Variants in TENM2 observed in about 807,000 individuals in gnomAD.
TENM2 encodes the protein teneurin-2.
A neutral mutation model predicts 245.2 loss-of-function variants in TENM2; 52 were observed. That is an observed-to-expected ratio of 0.21 (90% CI 0.17 to 0.27). TENM2 has a LOEUF of 0.27. Among genes scored for constraint, TENM2 ranks in the 10% least tolerant of loss-of-function variants. The pLI, the probability that TENM2 is intolerant of heterozygous loss-of-function variation, is 1.00. For synonymous variants in TENM2, 1,363 were observed against 1,438.9 expected, an observed-to-expected ratio of 0.95 and a Z score of 1.19; for missense variants, 3,046 against 3,666.8, an observed-to-expected ratio of 0.83 and a Z score of 4.37.
Position 167,886,536 on chromosome 5 carries a change from G to A in TENM2, c.712+10341G>A, listed in dbSNP as rs561631464. Reference sequence around the variant, plus strand: ...ATGCAAGAAGTTACTAAATAAAATGGAAAATGCAAGAAATAGCAGCAAAGC... The same window carrying A: ...ATGCAAGAAGTTACTAAATAAAATGAAAAATGCAAGAAATAGCAGCAAAGC... On this transcript the variant is annotated intron_variant, in intron 3 of 28. Transcript: ENST00000518659. 1.3e-5 allele frequency among the ~76,000 whole-genome samples: 2 copies of A among 152,238 alleles called. 1 individual carries two copies. Among genetic ancestry groups the A allele is most frequent in the South Asian group, 4.1e-4 (2 of 4,822 alleles).
Position 167,976,920 on chromosome 5 carries a change from A to G in TENM2, c.948-16024A>G, listed in dbSNP as rs1782482352. Among the ~76,000 whole-genome samples, 6 of 152,358 alleles carry G rather than the reference A, an allele frequency of 3.9e-5. No individual in the cohort carries two copies. In the South Asian group the frequency reaches 1.2e-3, roughly 32 times the overall value. Reference sequence around the variant, plus strand: ...AATAGTGAAGATATGGAATCAACTAAATGCCCATCAATGGTAGACTAGATA... The same window carrying G: ...AATAGTGAAGATATGGAATCAACTAGATGCCCATCAATGGTAGACTAGATA... On this transcript the variant is annotated intron_variant, in intron 4 of 28. Coordinates refer to ENST00000518659, the Ensembl canonical transcript of TENM2.
chr5:167,800,090 T>A (rs901388701), intron 2 of TENM2, among the ~76,000 whole-genome samples: 1 of 152,222 alleles, frequency 6.6e-6, no homozygotes, highest in Non-Finnish European at 1.5e-5. Flanking sequence ...CTTGAAAATA[T>A]GAGGATAACA....
chr5:167,285,766 C>CCG (rs1372478103), intron 1 of TENM2, among the ~76,000 whole-genome samples: 1 of 152,220 alleles, frequency 6.6e-6, no homozygotes, highest in Non-Finnish European at 1.5e-5. Context: ...CCCAGCCTCG[C>CCG]TGTGTGTGCA....
intron 2 of TENM2, among the ~76,000 whole-genome samples, chr5:167,724,773 A>G (rs1186351837): frequency 6.6e-6 from 1 of 152,174 alleles, no homozygotes; most frequent in Non-Finnish European, 1.5e-5. Flanking sequence ...GTAAAAGTAA[A>G]GTTCAAAGAC....
chr5:167,129,356 T>G, the TENM2 span, among the ~76,000 whole-genome samples: 2,195 of 152,256 alleles, frequency 0.014, 47 homozygotes, highest in African/African-American at 0.05. Context: ...CCAGCTACTG[T>G]GGAGGCCATA....
At chr5:168,034,607 A>T (rs1032739487) in intron 5 of TENM2, among the ~76,000 whole-genome samples, 4 of 151,504 alleles carry the variant, frequency 2.6e-5, no homozygotes, top group African/African-American at 9.7e-5. Context: ...AAATAATAAA[A>T]AATAATAACT....
intron 5 of TENM2, among the ~76,000 whole-genome samples, chr5:168,016,778 A>C (rs2152091636): frequency 6.6e-6 from 1 of 152,324 alleles, no homozygotes; most frequent in South Asian, 2.1e-4. Context: ...TACTGACTGC[A>C]TGACTCTGAG....
At chr5:167,852,533 C>T (rs1025268320) in intron 2 of TENM2, among the ~76,000 whole-genome samples, 1 of 152,168 alleles carries the variant, frequency 6.6e-6, no homozygotes, top group African/African-American at 2.4e-5. Context: ...AAAGAAGAAA[C>T]GGCCATCAGA....
At chr5:167,375,360 G>A in exon 2 of TENM2, 1 of 1,551,692 alleles carries the variant, frequency 6.4e-7, no homozygotes, top group Non-Finnish European at 8.7e-7. Context: ...CACGCCATCA[G>A]ACTGTGGGGC....
chr5:167,834,148 G>C (rs115514502), intron 2 of TENM2, among the ~76,000 whole-genome samples: 1 of 152,284 alleles, frequency 6.6e-6, no homozygotes, highest in African/African-American at 2.4e-5. Flanking sequence ...TTTGAAAAAC[G>C]AGAAATAGGG....
chr5:167,043,676 G>C, the TENM2 span, among the ~76,000 whole-genome samples: 95 of 152,260 alleles, frequency 6.2e-4, no homozygotes, highest in East Asian at 2.7e-3. Context: ...GACAGTGAAG[G>C]GTTTATGCAG....
intron 2 of TENM2, among the ~76,000 whole-genome samples, chr5:167,547,222 A>G (rs991691189): frequency 1.3e-5 from 2 of 152,086 alleles, no homozygotes; most frequent in African/African-American, 2.4e-5. Context: ...AGTAGCTCGG[A>G]TTACAGGCAC....
chr5:167,557,103 G>A (rs978132545), intron 2 of TENM2, among the ~76,000 whole-genome samples: 12 of 152,158 alleles, frequency 7.9e-5, no homozygotes, highest in South Asian at 2.1e-4. Flanking sequence ...TGAGAAAAGC[G>A]TGTGTGCGTG....
chr5:167,197,902 T>TAC, the TENM2 span, among the ~76,000 whole-genome samples: 1 of 151,520 alleles, frequency 6.6e-6, no homozygotes, highest in African/African-American at 2.4e-5. Context: ...TGTGTATATA[T>TAC]ACACATATAG....
intron 3 of TENM2, among the ~76,000 whole-genome samples, chr5:167,888,946 G>A (rs1264864062): frequency 6.6e-6 from 1 of 152,156 alleles, no homozygotes; most frequent in Non-Finnish European, 1.5e-5. Context: ...TTGTTTCTAA[G>A]ACAGCATCTT....
chr5:168,204,638 G>A lies in TENM2; in HGVS notation c.3824+17G>A, dbSNP rs1762210219. On this transcript the variant is annotated intron_variant, in intron 19 of 28. Coordinates refer to ENST00000518659, the Ensembl canonical transcript of TENM2. ...GGAGTTACGGTAAATGGCCTCACAG[G>A]CAACCTTCTTTTGCTCTCTTGCCCC... 1.2e-6 allele frequency: 2 copies of A among 1,611,038 alleles called. No homozygotes were observed. The highest frequency in any genetic ancestry group is 1.3e-5 in the African/African-American group (1 of 74,858).
intron 2 of TENM2, among the ~76,000 whole-genome samples, chr5:167,733,945 A>G (rs1760616805): frequency 6.6e-6 from 1 of 152,212 alleles, no homozygotes; most frequent in Non-Finnish European, 1.5e-5. Context: ...TCAGAGATAG[A>G]AACTTACCCA....
intron 3 of TENM2, among the ~76,000 whole-genome samples, chr5:167,951,186 C>T (rs1217023841): frequency 1.3e-5 from 2 of 152,178 alleles, no homozygotes; most frequent in Non-Finnish European, 2.9e-5. Context: ...AGATGTAGCC[C>T]GGCCACATAA....
At chr5:167,049,341 A>AG in the TENM2 span, among the ~76,000 whole-genome samples, 20 of 152,332 alleles carry the variant, frequency 1.3e-4, no homozygotes, top group East Asian at 2.7e-3. Context: ...TGGAGCATTC[A>AG]GGGTTTTTCA....
Sources: gnomAD v4.1 joint callset for allele counts (sites outside exome capture counted in the v4.1 genomes callset) on GRCh38, gnomAD v4.1.1 for gene constraint, MANE v1.5 for transcripts, NCBI Gene and HGNC (gene_info 2026-07-23, HGNC 2026-07-21) for gene names.